Variants in PDAP1 observed in about 807,000 individuals in gnomAD.
PDAP1 encodes the protein PDGFA associated protein 1.
In PDAP1, 13 loss-of-function variants were observed where a neutral mutation model predicts 28.0. That is an observed-to-expected ratio of 0.46 (90% confidence interval 0.30 to 0.74). The LOEUF (loss-of-function observed/expected upper bound fraction) is 0.74, where lower values mean the gene tolerates loss of function less well. Ranked by LOEUF, PDAP1 falls within the 30% of genes least tolerant of loss-of-function variation. The pLI is 0.07. For missense variants in PDAP1, 150 were observed against 230.0 expected (o/e 0.65, Z 2.25); for synonymous variants, 77 against 85.1 (o/e 0.91, Z 0.52).
At position 99,400,183 on chromosome 7, in the gene PDAP1, A is replaced by T. The variant is rs530579996; in HGVS notation, c.335+120T>A. On this transcript the variant is annotated intron_variant, in intron 4 of 5. Transcript: ENST00000350498. ...GCTTTTTAAAGGCTACTGGAGGGCC[A>T]TTGGGGAATGAGACAGAAATAAACA... 198 of 1,107,184 alleles carry T rather than the reference A, an allele frequency of 1.8e-4. 1 individual carries two copies. In the South Asian group the frequency reaches 2.7e-3, roughly 15 times the overall value. The allele number at this position is 1,107,184 out of a possible 1,614,324, so 68.6% of individuals were successfully genotyped here. A position where few individuals can be genotyped will look rare whatever the true frequency, so the allele number is the denominator to read the frequency against.
chr7:99,398,222 G>A (rs896791622), intron 4 of PDAP1, among the ~76,000 whole-genome samples: 4 of 152,246 alleles, frequency 2.6e-5, no homozygotes, highest in African/African-American at 9.6e-5. Context: ...GAAAACATCT[G>A]CGATGTCCAG....
chr7:99,401,078 G>A (rs1347315670), intron 3 of PDAP1, among the ~76,000 whole-genome samples: 3 of 152,100 alleles, frequency 2.0e-5, no homozygotes, highest in Non-Finnish European at 2.9e-5. Context: ...GGGGCAGGGA[G>A]ACAGCTTCCA....
At chr7:99,397,260 A>G (rs1008398023) in intron 5 of PDAP1, among the ~76,000 whole-genome samples, 3 of 152,094 alleles carry the variant, frequency 2.0e-5, no homozygotes, top group East Asian at 1.9e-4. Flanking sequence ...ACAGATGGAC[A>G]TGTAGGGGCT....
intron 2 of PDAP1, among the ~76,000 whole-genome samples, chr7:99,404,594 G>A (rs895291717): frequency 6.6e-6 from 1 of 152,168 alleles, no homozygotes; most frequent in Non-Finnish European, 1.5e-5. Flanking sequence ...CCTCCTGAAA[G>A]TAGGTGCACA....
intron 3 of PDAP1, 55 bp downstream of exon 3, chr7:99,403,343 G>A (rs549650126): frequency 1.6e-5 from 17 of 1,068,810 alleles, no homozygotes; most frequent in African/African-American, 6.2e-5. Context: ...GTCACTCAAC[G>A]TTTGTTTGTT....
At chr7:99,402,983 C>T (rs555167485) in intron 3 of PDAP1, among the ~76,000 whole-genome samples, 69 of 152,274 alleles carry the variant, frequency 4.5e-4, no homozygotes, top group African/African-American at 1.6e-3. Context: ...TGGACCACTC[C>T]GCTCCTTACC....
chr7:99,397,806 G>A, intron 5 of PDAP1, 56 bp downstream of exon 5: 1 of 1,587,752 alleles, frequency 6.3e-7, no homozygotes, highest in Non-Finnish European at 8.6e-7. Context: ...AGTGCTTTGT[G>A]GCTGGCCCAG....
rs869126629 is a variant in PDAP1, at chr7:99,405,359, CT to C, written c.14-407del. On this transcript the variant is annotated intron_variant, in intron 1 of 5. Coordinates refer to ENST00000350498, the MANE Select transcript of PDAP1 (RefSeq NM_014891.7). ...CGATGTTCTGTCACAGCCAGGGGCA[CT>C]TTTTTTTTTTTTTTTTTGAGACGGA... is the stretch of plus-strand genomic sequence containing the variant. Among the ~76,000 whole-genome samples, 663 of 136,990 alleles carry C rather than the reference CT, an allele frequency of 4.8e-3. 2 individuals are homozygous for C. Among genetic ancestry groups the C allele is most frequent in the East Asian group, 0.026 (123 of 4,780 alleles). 89.9% of individuals were successfully genotyped at this position (136,990 alleles called of 152,430 possible). A position where few individuals can be genotyped will look rare whatever the true frequency, so the allele number is the denominator to read the frequency against.
chr7:99,407,640 C>G (rs1490272310), intron 1 of PDAP1, among the ~76,000 whole-genome samples: 1 of 152,166 alleles, frequency 6.6e-6, no homozygotes, highest in African/African-American at 2.4e-5. Flanking sequence ...TTTACCACCC[C>G]GGCCCCAATT....
At chr7:99,396,881 G>A (rs1794777983) in intron 5 of PDAP1, 141 bp from the exon 6 acceptor site, 3 of 675,090 alleles carry the variant, frequency 4.4e-6, no homozygotes, top group Non-Finnish European at 7.7e-6. Flanking sequence ...AGGCGTGGGA[G>A]AGGATTTCTG....
chr7:99,403,210 TAG>T (rs1213844010), intron 3 of PDAP1, 186 bp downstream of exon 3: 1 of 591,548 alleles, frequency 1.7e-6, no homozygotes, highest in Non-Finnish European at 3.0e-6. Context: ...TCTGTTTTGT[TAG>T]TAACACTTCT....
Position 99,395,977 on chromosome 7 carries a change from A to C in PDAP1, c.*705T>G, listed in dbSNP as rs1794748400. 6.5e-6 allele frequency: 1 copy of C among 152,856 alleles called. No individual in the cohort carries two copies. Among genetic ancestry groups the C allele is most frequent in the Non-Finnish European group, 1.5e-5 (1 of 68,178 alleles). 9.5% of individuals were successfully genotyped at this position (152,856 alleles called of 1,614,324 possible). A position where few individuals can be genotyped will look rare whatever the true frequency, so the allele number is the denominator to read the frequency against. ...CGGAAGCCAAAGGATGGATTGCCAA[A>C]ACAAAGATTACGATAATGTCAAGTT... On this transcript the variant is annotated 3_prime_UTR_variant, in exon 6 of 6. Transcript: ENST00000350498.
Position 99,397,967 on chromosome 7 carries a change from G to A in PDAP1, c.382C>T (p.His128Tyr). 1.2e-6 allele frequency: 2 copies of A among 1,614,246 alleles called. No individual in the cohort carries two copies. The highest frequency in any genetic ancestry group is 1.7e-6 in the Non-Finnish European group (2 of 1,180,030). Residue 128 changes from histidine (H) to tyrosine (Y), a missense_variant, in exon 5 of 6, where the codon CAC (histidine) becomes TAC (tyrosine). By Grantham distance (83) the His-to-Tyr change is moderately conservative. Coordinates refer to ENST00000350498, the MANE Select transcript of PDAP1 (RefSeq NM_014891.7). ...QKAKERYMKM[H>Y]LAGKTEQAKA... ...GCTTGCTCTGTCTTCCCGGCCAAGT[G>A]CATTTTCATGTAACGCTCTTTTGCC...
chr7:99,408,556 CCGGCGGCTGCGGCGG>C lies in PDAP1; in HGVS notation c.-23_-9del. 2.4e-6 allele frequency: 3 copies of C among 1,276,250 alleles called. No individual in the cohort carries two copies. The highest frequency in any genetic ancestry group is 2.0e-6 in the Non-Finnish European group (2 of 1,008,928). 79.1% of individuals were successfully genotyped at this position (1,276,250 alleles called of 1,614,324 possible). On this transcript the variant is annotated 5_prime_UTR_variant, in exon 1 of 6. Transcript: ENST00000350498. ...CTCACCTCCTTTAGGCATTGCGGCT[CCGGCGGCTGCGGCGG>C]CGGCGGCGGCGCCTCGAACTGACAC... is the stretch of plus-strand genomic sequence containing the variant.
At chr7:99,400,742 G>A (rs1307523093) in intron 3 of PDAP1, among the ~76,000 whole-genome samples, 2 of 152,148 alleles carry the variant, frequency 1.3e-5, no homozygotes, top group African/African-American at 4.8e-5. Context: ...TTCAAGCTCG[G>A]CTTCCAAAAG....
Position 99,396,599 on chromosome 7 carries a change from G to T in PDAP1, c.*83C>A. 1 of 1,120,582 alleles carries T rather than the reference G, an allele frequency of 8.9e-7. No homozygotes were observed. The highest frequency in any genetic ancestry group is 1.2e-5 in the South Asian group (1 of 81,866). 69.4% of individuals were successfully genotyped at this position (1,120,582 alleles called of 1,614,324 possible). A position where few individuals can be genotyped will look rare whatever the true frequency, so the allele number is the denominator to read the frequency against. On this transcript the variant is annotated 3_prime_UTR_variant, in exon 6 of 6. Transcript: ENST00000350498. ...GGCCATGAGGGGCTGTTGCAGCGGC[G>T]CCAGGGCACAGGGTGGGCGAGACAC... is the stretch of plus-strand genomic sequence containing the variant.
At chr7:99,407,236 G>C (rs1400857030) in intron 1 of PDAP1, among the ~76,000 whole-genome samples, 1 of 152,144 alleles carries the variant, frequency 6.6e-6, no homozygotes, top group Admixed American at 6.5e-5. Context: ...ACCCCAAAAA[G>C]CTTTTCACAA....
Position 99,395,002 on chromosome 7 carries a change from A to G in PDAP1, c.*1680T>C. 1 of 269,892 alleles carries G rather than the reference A, an allele frequency of 3.7e-6. No homozygotes were observed. Among genetic ancestry groups the G allele is most frequent in the East Asian group, 9.6e-5 (1 of 10,398 alleles). 16.7% of individuals were successfully genotyped at this position (269,892 alleles called of 1,614,324 possible). A position where few individuals can be genotyped will look rare whatever the true frequency, so the allele number is the denominator to read the frequency against. On this transcript the variant is annotated 3_prime_UTR_variant, in exon 6 of 6. Coordinates refer to ENST00000350498, the MANE Select transcript of PDAP1 (RefSeq NM_014891.7). The stretch of plus-strand genomic sequence containing the variant: ...CTTATTTTTACTGCTTGCCAACAAA[A>G]TTGATCCTGAAGCCCAACGGCCTTA...
chr7:99,401,228 C>A (rs1794859952), intron 3 of PDAP1, among the ~76,000 whole-genome samples: 1 of 152,184 alleles, frequency 6.6e-6, no homozygotes, highest in Admixed American at 6.5e-5. Flanking sequence ...CCCTGCAATC[C>A]TAAGCATATC....
Sources: gnomAD v4.1 joint callset for allele counts (sites outside exome capture counted in the v4.1 genomes callset) on GRCh38, gnomAD v4.1.1 for gene constraint, MANE v1.5 for transcripts, NCBI Gene and HGNC (gene_info 2026-07-23, HGNC 2026-07-21) for gene names.